Variants in KANSL1L observed in about 807,000 individuals in gnomAD.
KANSL1L encodes KAT8 regulatory NSL complex subunit 1 like, also known as KAT8 regulatory NSL complex subunit 1-like protein.
In KANSL1L, 25 loss-of-function variants were observed where a neutral mutation model predicts 108.6. That is an observed-to-expected ratio of 0.23 (90% CI 0.17 to 0.32). The LOEUF (loss-of-function observed/expected upper bound fraction) is 0.32. Ranked by LOEUF, KANSL1L falls within the 10% of genes least tolerant of loss-of-function variation. The pLI is 1.00. For missense variants in KANSL1L, 1,137 were observed against 1,125.7 expected, an observed-to-expected ratio of 1.01 and a Z score of -0.14; for synonymous variants, 405 against 395.1, an observed-to-expected ratio of 1.03 and a Z score of -0.30.
intron 2 of KANSL1L, among the ~76,000 whole-genome samples, chr2:210,137,867 C>CA (rs1179954296): frequency 1.3e-5 from 2 of 151,938 alleles, no homozygotes; most frequent in East Asian, 1.9e-4. Flanking sequence ...CCTGTCTCTA[C>CA]AAAAAACAGA....
chr2:210,086,375 A>G (rs1040152916), intron 5 of KANSL1L, among the ~76,000 whole-genome samples: 6 of 152,072 alleles, frequency 3.9e-5, no homozygotes, highest in Non-Finnish European at 8.8e-5. Flanking sequence ...TCTGAAAACC[A>G]AAAACTATCC....
At chr2:210,055,044 G>A (rs970649219) in intron 6 of KANSL1L, among the ~76,000 whole-genome samples, 4 of 152,150 alleles carry the variant, frequency 2.6e-5, no homozygotes, top group Non-Finnish European at 4.4e-5. Flanking sequence ...ATCTTGAATT[G>A]TAGTTCCCAT....
chr2:210,024,067 C>T lies in KANSL1L; in HGVS notation c.2699G>A (p.Gly900Asp). 2 of 1,599,164 alleles carry T rather than the reference C, an allele frequency of 1.3e-6. No individual in the cohort carries two copies. The highest frequency in any genetic ancestry group is 2.7e-5 in the African/African-American group (2 of 74,182). The change falls in exon 14 of 15, where the codon GGC becomes GAC. Residue 900 changes from glycine (G) to aspartate (D), a missense_variant. Gly to Asp is a moderately conservative substitution (Grantham distance 94, BLOSUM62 -1). This residue lies in a region of KANSL1L where 575 missense variants were observed against 567.1 expected (regional missense o/e 1.01). Coordinates refer to ENST00000281772, the MANE Select transcript of KANSL1L (RefSeq NM_152519.4). ...PSENQDLCAY[G>D]LPSLNQSQET... ...TTGACTTTGATTTAAAGAAGGTAAG[C>T]CATATGCACACAGATCCTGGTTCTC...
In KANSL1L at chr2:210,154,329, G is replaced by C; in HGVS notation, c.254C>G (p.Ser85Cys). ...KHYQTVFLMR[S>C]NSTLNKHNEN... ...ATTGTGTTTATTTAATGTAGAATTA[G>C]ATCTCATTAAAAAAACAGTCTGGTA... The change falls in exon 2 of 15, where the codon TCT becomes TGT. Residue 85 changes from serine (S) to cysteine (C), a missense_variant. By Grantham distance (112) the Ser-to-Cys change is moderately radical (BLOSUM62 -1). Transcript: ENST00000281772. The C allele has an allele frequency of 6.2e-7, 1 of 1,610,902 alleles. No individual in the cohort carries two copies. The highest frequency in any genetic ancestry group is 8.5e-7 in the Non-Finnish European group (1 of 1,178,788).
chr2:210,048,136 A>G (rs1415558023), intron 6 of KANSL1L, among the ~76,000 whole-genome samples: 4 of 152,168 alleles, frequency 2.6e-5, no homozygotes, highest in Non-Finnish European at 4.4e-5. Flanking sequence ...ATTGGTCAAA[A>G]ATGCTCTGAA....
At chr2:210,055,006 G>A (rs1482236975) in intron 6 of KANSL1L, among the ~76,000 whole-genome samples, 1 of 152,110 alleles carries the variant, frequency 6.6e-6, no homozygotes, top group Non-Finnish European at 1.5e-5. Flanking sequence ...TCAGTGATAC[G>A]GTTTGGCTGT....
intron 6 of KANSL1L, among the ~76,000 whole-genome samples, chr2:210,056,604 C>T (rs1341616366): frequency 3.3e-5 from 5 of 152,104 alleles, no homozygotes; most frequent in African/African-American, 1.2e-4. Flanking sequence ...CCTCAGCCTC[C>T]CAAGTAGCTG....
rs2095319158 is a variant in KANSL1L, at chr2:210,153,968, T to C, written c.615A>G (p.Ser205=). ...CAGCTGAAGAACTAACAGGCACATT[T>C]GAGTGGCCAGGTACAATTTTCTTTT... ...CTQKKIVPGH[S]NVPVSSSAAE... Residue 205 remains serine, a synonymous_variant, in exon 2 of 15, where the codon TCA becomes TCG. Coordinates refer to ENST00000281772, the MANE Select transcript of KANSL1L (RefSeq NM_152519.4). 6.2e-7 allele frequency: 1 copy of C among 1,613,574 alleles called. No homozygotes were observed. The highest frequency in any genetic ancestry group is 1.3e-5 in the African/African-American group (1 of 74,940).
At chr2:210,034,059 C>A (rs1299931913) in intron 8 of KANSL1L, among the ~76,000 whole-genome samples, 1 of 152,102 alleles carries the variant, frequency 6.6e-6, no homozygotes, top group Non-Finnish European at 1.5e-5. Flanking sequence ...ATCACACTTT[C>A]ATAGCATTTC....
chr2:210,073,332 C>T (rs1421480941), intron 6 of KANSL1L, among the ~76,000 whole-genome samples: 2 of 152,078 alleles, frequency 1.3e-5, no homozygotes, highest in African/African-American at 2.4e-5. Flanking sequence ...TCTGAGTCTA[C>T]ATCTGTGCTG....
At chr2:210,170,352 AAAAC>A (rs1688261777) in intron 1 of KANSL1L, 10 of 985,362 alleles carry the variant, frequency 1.0e-5, no homozygotes, top group Non-Finnish European at 1.1e-5. Flanking sequence ...TTCAAACAAA[AAAAC>A]AAACAAAAAC....
At chr2:210,102,056 C>A (rs2094798792) in intron 4 of KANSL1L, among the ~76,000 whole-genome samples, 1 of 152,084 alleles carries the variant, frequency 6.6e-6, no homozygotes, top group Non-Finnish European at 1.5e-5. Context: ...GGATCTTTTC[C>A]CCATTTCTTG....
intron 5 of KANSL1L, chr2:210,096,560 T>C (rs2094737768): frequency 2.0e-6 from 2 of 985,064 alleles, no homozygotes; most frequent in Non-Finnish European, 2.4e-6. Context: ...AGTACTTGAT[T>C]AGGTAAACAA....
At chr2:210,064,727 T>C (rs1325742369) in intron 6 of KANSL1L, among the ~76,000 whole-genome samples, 1 of 149,308 alleles carries the variant, frequency 6.7e-6, no homozygotes, top group East Asian at 2.0e-4. Context: ...GAGGACTGCT[T>C]GAGCCTGGGA....
chr2:210,104,032 T>C (rs773257491), intron 4 of KANSL1L, 72 bp downstream of exon 4: 19 of 1,145,058 alleles, frequency 1.7e-5, no homozygotes, highest in Non-Finnish European at 2.4e-5. Flanking sequence ...CATATAATGA[T>C]GTTTATTTGA....
chr2:210,119,255 C>T (rs564770614), intron 3 of KANSL1L, among the ~76,000 whole-genome samples: 23 of 152,098 alleles, frequency 1.5e-4, no homozygotes, highest in Non-Finnish European at 2.2e-4. Context: ...TTTTACCAAA[C>T]ACTTAAAGAA....
chr2:210,163,134 G>T (rs961297916), intron 1 of KANSL1L, among the ~76,000 whole-genome samples: 1 of 152,102 alleles, frequency 6.6e-6, no homozygotes, highest in African/African-American at 2.4e-5. Flanking sequence ...ACACTAAAGG[G>T]CAAACAACAT....
At chr2:210,086,506 CT>C (rs200808804) in intron 5 of KANSL1L, among the ~76,000 whole-genome samples, 2,748 of 124,122 alleles carry the variant, frequency 0.022, 46 homozygotes, top group Middle Eastern at 0.038. Context: ...AAAAAAAAAA[CT>C]CTTGACACTT....
At chr2:210,050,525 G>A (rs1158174391) in intron 6 of KANSL1L, among the ~76,000 whole-genome samples, 1 of 151,936 alleles carries the variant, frequency 6.6e-6, no homozygotes, top group Non-Finnish European at 1.5e-5. Context: ...AAATATAGTA[G>A]TCTCCCTTAT....
Sources: allele counts gnomAD v4.1 joint callset (sites outside exome capture counted in the v4.1 genomes callset), GRCh38; gene constraint gnomAD v4.1.1; regional missense constraint gnomAD v4.1.1; transcripts MANE v1.5; gene names NCBI Gene and HGNC (gene_info 2026-07-23, HGNC 2026-07-21).